The following OSBPL11 variants were observed in gnomAD, a reference collection of about 807,000 sequenced individuals.
OSBPL11 encodes oxysterol binding protein like 11.
Under a neutral mutation model 84.4 loss-of-function variants are expected in OSBPL11, and 33 were observed. The ratio of observed to expected loss-of-function variants is 0.39; its 90% CI spans 0.30 to 0.52. The LOEUF is 0.52. OSBPL11 is among the 20% of genes least tolerant of loss of function. The probability of loss-of-function intolerance (pLI) is 0.72; values close to 1 mark genes in which losing one functional copy is unlikely to be tolerated. For missense variants in OSBPL11, 736 were observed against 901.1 expected (o/e 0.82, Z 2.35); for synonymous variants, 276 against 310.2 (o/e 0.89, Z 1.16).
At chr3:125,544,528 T>C (rs1935782524) in intron 10 of OSBPL11, among the ~76,000 whole-genome samples, 1 of 152,236 alleles carries the variant, frequency 6.6e-6, no homozygotes, top group Admixed American at 6.5e-5. Context: ...TGCTAATATC[T>C]TAACCATCAG....
rs529043081 is a variant in OSBPL11 at position 125,595,317 on chromosome 3, G to T, written c.-517C>A. 7.9e-5 allele frequency among the ~76,000 whole-genome samples: 12 copies of T among 151,892 alleles called. No homozygotes were observed. Among genetic ancestry groups the T allele is most frequent in the Non-Finnish European group, 1.5e-4 (10 of 67,936 alleles). Reference sequence around the variant, plus strand: ...ACAGCCAGGGCCGGCGCGCGCAGCCGGGGAGGAGGGTCGGGGAATGAGGCC... The same window carrying T: ...ACAGCCAGGGCCGGCGCGCGCAGCCTGGGAGGAGGGTCGGGGAATGAGGCC... On this transcript the variant is annotated 5_prime_UTR_variant, in exon 1 of 13. Transcript: ENST00000296220.
At chr3:125,553,767 T>C (rs571609740) in intron 8 of OSBPL11, among the ~76,000 whole-genome samples, 1 of 152,300 alleles carries the variant, frequency 6.6e-6, no homozygotes, top group East Asian at 1.9e-4. Flanking sequence ...AAAAAGACGG[T>C]TTTGAAGATG....
chr3:125,529,007 T>C lies in OSBPL11; in HGVS notation c.*1508A>G, dbSNP rs927422741. 6.5e-6 allele frequency: 1 copy of C among 152,684 alleles called. No individual in the cohort carries two copies. The highest frequency in any genetic ancestry group is 2.4e-5 in the African/African-American group (1 of 41,472). 9.5% of individuals were successfully genotyped at this position (152,684 alleles called of 1,614,324 possible). ...CACAAACCAACTCTTTTTCTTATAA[T>C]TTACAATTTGTTGAAAAAATTATTG... is the stretch of plus-strand genomic sequence containing the variant. On this transcript the variant is annotated 3_prime_UTR_variant, in exon 13 of 13. Coordinates refer to ENST00000296220, the MANE Select transcript of OSBPL11 (RefSeq NM_022776.5).
At chr3:125,592,498 T>A in intron 1 of OSBPL11, among the ~76,000 whole-genome samples, 1 of 152,206 alleles carries the variant, frequency 6.6e-6, no homozygotes, top group South Asian at 2.1e-4. Context: ...AAAGAATTTA[T>A]ACAAAATTAA....
At position 125,563,707 on chromosome 3, in the gene OSBPL11, T is replaced by G. The variant is rs759966794; in HGVS notation, c.1005A>C (p.Leu335=). Residue 335 remains leucine, a synonymous_variant, in exon 7 of 13, where the codon CTA becomes CTC. Transcript: ENST00000296220. ...PEEQPVAESG[L]LAREPEEINA... is the part of the protein sequence containing the mutation. ...TTTTATATTACCTTACCCTCGCTAA[T>G]AGTCCAGATTCTGCAACAGGCTGCT... is the stretch of plus-strand genomic sequence containing the variant. The G allele has an allele frequency of 6.2e-7, 1 of 1,614,142 alleles. No individual in the cohort carries two copies. Among genetic ancestry groups the G allele is most frequent in the East Asian group, 2.2e-5 (1 of 44,880 alleles).
At chr3:125,557,300 T>C (rs1053245943) in intron 8 of OSBPL11, among the ~76,000 whole-genome samples, 1 of 152,236 alleles carries the variant, frequency 6.6e-6, no homozygotes, top group Admixed American at 6.5e-5. Flanking sequence ...AGGGGCCCAG[T>C]AAATATTTGT....
At chr3:125,574,484 T>G (rs939169670) in intron 5 of OSBPL11, among the ~76,000 whole-genome samples, 8 of 151,688 alleles carry the variant, frequency 5.3e-5, no homozygotes, top group African/African-American at 1.7e-4. Flanking sequence ...TTAGCAGTTT[T>G]TTTTTTTTTT....
At position 125,563,853 on chromosome 3, in the gene OSBPL11, T is replaced by C; in HGVS notation, c.869-10A>G. ...CACTCGATTGTCGTTCCTGATGGAG[T>C]AAGAGAAAACTTTCGCTGAAACTTG... On this transcript the variant is annotated splice_polypyrimidine_tract_variant and intron_variant, in intron 6 of 12. Coordinates refer to ENST00000296220, the MANE Select transcript of OSBPL11 (RefSeq NM_022776.5). 6.2e-7 allele frequency: 1 copy of C among 1,609,258 alleles called. No individual in the cohort carries two copies. The highest frequency in any genetic ancestry group is 1.1e-5 in the South Asian group (1 of 90,190).
intron 5 of OSBPL11, 39 bp downstream of exon 5, chr3:125,576,150 C>A: frequency 6.4e-7 from 1 of 1,552,316 alleles, no homozygotes; most frequent in South Asian, 1.2e-5. Context: ...CAGGTAAAAT[C>A]ATTTTGTGCA....
chr3:125,588,520 C>A (rs1250637262), intron 1 of OSBPL11, among the ~76,000 whole-genome samples: 1 of 152,092 alleles, frequency 6.6e-6, no homozygotes, highest in African/African-American at 2.4e-5. Flanking sequence ...AATAGCGATA[C>A]CTTAAGGTAT....
chr3:125,578,716 A>G (rs1214440054), intron 4 of OSBPL11, among the ~76,000 whole-genome samples: 2 of 152,082 alleles, frequency 1.3e-5, no homozygotes, highest in African/African-American at 4.8e-5. Context: ...GGTTGCAGTG[A>G]GACAAGATTG....
chr3:125,548,740 C>G (rs1935855959), intron 9 of OSBPL11, among the ~76,000 whole-genome samples: 4 of 152,056 alleles, frequency 2.6e-5, no homozygotes, highest in African/African-American at 9.7e-5. Flanking sequence ...TTAATAAATG[C>G]TCGTTAAGCA....
chr3:125,546,925 C>A (rs1042061211), intron 10 of OSBPL11, among the ~76,000 whole-genome samples: 1 of 151,944 alleles, frequency 6.6e-6, no homozygotes, highest in Non-Finnish European at 1.5e-5. Flanking sequence ...GCATCAATAT[C>A]ATTGACAATA....
intron 2 of OSBPL11, among the ~76,000 whole-genome samples, chr3:125,582,100 C>T (rs889569682): frequency 2.0e-5 from 3 of 152,042 alleles, no homozygotes; most frequent in Non-Finnish European, 2.9e-5. Flanking sequence ...TTTGGGAGGC[C>T]AAGACGGGTA....
At chr3:125,552,152 T>A in intron 9 of OSBPL11, 29 bp downstream of exon 9, 1 of 1,231,816 alleles carries the variant, frequency 8.1e-7, no homozygotes, top group Non-Finnish European at 1.1e-6. Flanking sequence ...TATATATATA[T>A]ATATATATAA....
chr3:125,590,933 A>G (rs1320940669), intron 1 of OSBPL11, among the ~76,000 whole-genome samples: 1 of 152,216 alleles, frequency 6.6e-6, no homozygotes. Flanking sequence ...CATGCAATAT[A>G]TAACTTCATG....
chr3:125,532,593 C>CAAA (rs1301920833), intron 11 of OSBPL11, among the ~76,000 whole-genome samples: 63 of 131,834 alleles, frequency 4.8e-4, no homozygotes, highest in African/African-American at 1.4e-3. Flanking sequence ...AAAAAAAAAA[C>CAAA]AAAAAAAAAC....
intron 9 of OSBPL11, among the ~76,000 whole-genome samples, chr3:125,551,639 C>T (rs1001263958): frequency 2.6e-5 from 4 of 151,758 alleles, no homozygotes. Flanking sequence ...GGTGTGGTGG[C>T]ATGGTGGCAG....
rs564759809 is a variant in OSBPL11, at chr3:125,586,637, C to T, written c.165-3659G>A. Among the ~76,000 whole-genome samples the T allele has an allele frequency of 1.8e-3, 277 of 152,076 alleles. 1 individual carries two copies. Among genetic ancestry groups the T allele is most frequent in the Non-Finnish European group, 2.7e-3 (182 of 67,986 alleles). On this transcript the variant is annotated intron_variant, in intron 1 of 12. Coordinates refer to ENST00000296220, the MANE Select transcript of OSBPL11 (RefSeq NM_022776.5). Reference sequence around the variant, plus strand: ...AAGTGATTCTCCTGCCTCAGCCTCCCGAGTAGCTGGGAGTACAGGTGCGTG... The same window carrying T: ...AAGTGATTCTCCTGCCTCAGCCTCCTGAGTAGCTGGGAGTACAGGTGCGTG...
Sources: gnomAD v4.1 joint callset for allele counts (sites outside exome capture counted in the v4.1 genomes callset) on GRCh38, gnomAD v4.1.1 for gene constraint, MANE v1.5 for transcripts, NCBI Gene and HGNC (gene_info 2026-07-23, HGNC 2026-07-21) for gene names.